Variants in LRRTM4 observed in about 807,000 individuals in gnomAD.
LRRTM4 encodes leucine rich repeat transmembrane neuronal 4.
A neutral mutation model predicts 47.6 loss-of-function variants in LRRTM4; 25 were observed. That is an observed-to-expected ratio of 0.53 (90% CI 0.38 to 0.73). The LOEUF is 0.73. Among genes scored for constraint, LRRTM4 ranks in the 30% least tolerant of loss-of-function variants. The pLI, the probability that LRRTM4 is intolerant of heterozygous loss-of-function variation, is 0.00. For missense variants in LRRTM4, 638 were observed against 713.4 expected, an observed-to-expected ratio of 0.89 and a Z score of 1.20; for synonymous variants, 311 against 269.5, an observed-to-expected ratio of 1.15 and a Z score of -1.51.
At chr2:77,058,938 CTTAGAAA>C (rs1475743091) in intron 3 of LRRTM4, among the ~76,000 whole-genome samples, 6 of 151,960 alleles carry the variant, frequency 3.9e-5, no homozygotes, top group Non-Finnish European at 4.4e-5. Context: ...TATAAATATA[CTTAGAAA>C]TTAGAGTTTT....
In LRRTM4 at chr2:76,814,670, C is replaced by G. The variant is rs1228333261; in HGVS notation, c.1552-65754G>C. ...GTGTAGGTTATATGTAAATACTACC[C>G]CATTTTATATAAGGGACTTGAGTAT... On this transcript the variant is annotated intron_variant, in intron 3 of 3. Transcript: ENST00000409884. Among the ~76,000 whole-genome samples, 5 of 151,766 alleles carry G rather than the reference C, an allele frequency of 3.3e-5. No individual in the cohort carries two copies. In the East Asian group the frequency reaches 7.8e-4, roughly 24 times the overall value.
chr2:77,393,660 T>C (rs1041542205), intron 3 of LRRTM4, among the ~76,000 whole-genome samples: 8 of 151,942 alleles, frequency 5.3e-5, no homozygotes, highest in Admixed American at 6.6e-5. Flanking sequence ...ATCACTTTAC[T>C]ACAGTGTGGA....
chr2:77,234,659 T>G (rs552353721), intron 3 of LRRTM4, among the ~76,000 whole-genome samples: 2 of 152,188 alleles, frequency 1.3e-5, no homozygotes, highest in Non-Finnish European at 2.9e-5. Context: ...CCTGGGCAGA[T>G]TTTTTAAAAT....
chr2:76,786,610 AAG>A (rs1674687612), intron 3 of LRRTM4, among the ~76,000 whole-genome samples: 1 of 152,142 alleles, frequency 6.6e-6, no homozygotes, highest in Non-Finnish European at 1.5e-5. Context: ...AAACAAAGCT[AAG>A]AGCAGAGAGG....
chr2:76,883,117 T>C (rs1672976657), intron 3 of LRRTM4, among the ~76,000 whole-genome samples: 1 of 152,106 alleles, frequency 6.6e-6, no homozygotes, highest in Admixed American at 6.6e-5. Flanking sequence ...TGGCTATGTA[T>C]CCAGGTCTGT....
intron 3 of LRRTM4, among the ~76,000 whole-genome samples, chr2:76,921,757 G>C (rs536274580): frequency 6.6e-6 from 1 of 151,928 alleles, no homozygotes; most frequent in East Asian, 1.9e-4. Flanking sequence ...GATTTTTGTG[G>C]ATGTTCTTAC....
At chr2:76,888,796 C>A (rs1408394235) in intron 3 of LRRTM4, among the ~76,000 whole-genome samples, 1 of 151,678 alleles carries the variant, frequency 6.6e-6, no homozygotes, top group Non-Finnish European at 1.5e-5. Flanking sequence ...GCATCTAACA[C>A]CTGGTTGCCC....
chr2:76,942,562 T>G (rs764194294), intron 3 of LRRTM4, among the ~76,000 whole-genome samples: 2 of 151,678 alleles, frequency 1.3e-5, no homozygotes, highest in Non-Finnish European at 2.9e-5. Context: ...TGTATGAATT[T>G]TTATTACAAA....
intron 3 of LRRTM4, among the ~76,000 whole-genome samples, chr2:77,350,854 C>A (rs541469522): frequency 3.3e-5 from 5 of 152,224 alleles, no homozygotes; most frequent in African/African-American, 1.2e-4. Flanking sequence ...TAAAAGACTT[C>A]ACTGTAGTGA....
chr2:76,957,157 T>C (rs1282309562), intron 3 of LRRTM4, among the ~76,000 whole-genome samples: 1 of 151,754 alleles, frequency 6.6e-6, no homozygotes, highest in South Asian at 2.1e-4. Context: ...AATATACCAG[T>C]GATAGAAGGA....
At position 77,012,920 on chromosome 2, in the gene LRRTM4, T is replaced by C. The variant is rs567857596; in HGVS notation, c.1552-264004A>G. Among the ~76,000 whole-genome samples the C allele has an allele frequency of 2.6e-5, 4 of 152,294 alleles. No individual in the cohort carries two copies. The South Asian group carries it at 8.3e-4, about 32-fold the overall frequency. On this transcript the variant is annotated intron_variant, in intron 3 of 3. Transcript: ENST00000409884. ...CATACCTGGAAATGGGCAAACGATG[T>C]ATTAAGTGACTGTAGGCCTATGGCA...
intron 3 of LRRTM4, among the ~76,000 whole-genome samples, chr2:76,978,980 A>T (rs1413863442): frequency 6.6e-6 from 1 of 152,032 alleles, no homozygotes; most frequent in African/African-American, 2.4e-5. Context: ...TGAAATTCTC[A>T]CATCTCCAGA....
In LRRTM4 at chr2:77,085,378, C is replaced by T. The variant is rs72622648; in HGVS notation, c.1552-336462G>A. Among the ~76,000 whole-genome samples the T allele has an allele frequency of 0.018, 2,447 of 139,754 alleles. 109 individuals are homozygous for T. The East Asian group carries it at 0.19, about 11-fold the overall frequency. 91.7% of individuals were successfully genotyped at this position (139,754 alleles called of 152,430 possible). A position where few individuals can be genotyped will look rare whatever the true frequency, so the allele number is the denominator to read the frequency against. On this transcript the variant is annotated intron_variant, in intron 3 of 3. Transcript: ENST00000409884. ...AATACATTCAACTGGCAATCCCTCA[C>T]TTTTTTTTTTTTTTGCCTGTTTTAA... is the stretch of plus-strand genomic sequence containing the variant.
chr2:76,748,604 C>T lies in LRRTM4; in HGVS notation c.*91G>A, dbSNP rs6547099. The T allele has an allele frequency of 0.043, 42,900 of 1,004,800 alleles. 2,681 individuals carry two copies. Among genetic ancestry groups the T allele is most frequent in the African/African-American group, 0.25 (15,353 of 62,630 alleles). 62.2% of individuals were successfully genotyped at this position (1,004,800 alleles called of 1,614,324 possible). A position where few individuals can be genotyped will look rare whatever the true frequency, so the allele number is the denominator to read the frequency against. On this transcript the variant is annotated 3_prime_UTR_variant, in exon 4 of 4. Transcript: ENST00000409884. ...TTTTAACAGGAACGATGAGCTTGCT[C>T]GATTGCGCGATTGTGGACACCCATT...
intron 3 of LRRTM4, among the ~76,000 whole-genome samples, chr2:76,891,838 C>CA (rs1285328687): frequency 6.6e-6 from 1 of 150,838 alleles, no homozygotes; most frequent in Non-Finnish European, 1.5e-5. Flanking sequence ...AATTCGGATG[C>CA]AAAAAAGATA....
At chr2:77,338,894 A>C (rs934236361) in intron 3 of LRRTM4, among the ~76,000 whole-genome samples, 4 of 152,040 alleles carry the variant, frequency 2.6e-5, no homozygotes, top group Non-Finnish European at 4.4e-5. Flanking sequence ...TGTGCTACAT[A>C]TTATACCATG....
At chr2:76,773,025 G>A (rs896125907) in intron 3 of LRRTM4, 1 of 152,132 alleles carries the variant, frequency 6.6e-6, no homozygotes, top group South Asian at 2.1e-4. Flanking sequence ...TTTCATTCAC[G>A]AATTGAAGGT....
chr2:77,467,435 A>G (rs1677023098), intron 3 of LRRTM4, among the ~76,000 whole-genome samples: 1 of 152,148 alleles, frequency 6.6e-6, no homozygotes, highest in East Asian at 1.9e-4. Flanking sequence ...GACTAAAGAC[A>G]TCTAGTCACT....
intron 3 of LRRTM4, among the ~76,000 whole-genome samples, chr2:76,958,845 C>T (rs181411015): frequency 6.6e-6 from 1 of 151,696 alleles, no homozygotes; most frequent in African/African-American, 2.4e-5. Context: ...AAATATGCCC[C>T]CTTGCCATTC....
Sources: allele counts gnomAD v4.1 joint callset (sites outside exome capture counted in the v4.1 genomes callset), GRCh38; gene constraint gnomAD v4.1.1; transcripts MANE v1.5; gene names NCBI Gene and HGNC (gene_info 2026-07-23, HGNC 2026-07-21).